Variants in CNTNAP2 observed in about 807,000 individuals in gnomAD.
The protein encoded by CNTNAP2 is contactin associated protein 2, also known as contactin-associated protein-like 2.
Under a neutral mutation model 155.2 loss-of-function variants are expected in CNTNAP2, and 98 were observed. The ratio of observed to expected loss-of-function variants is 0.63; its 90% CI spans 0.54 to 0.75. CNTNAP2 has a LOEUF of 0.75. Ranked by LOEUF, CNTNAP2 falls within the 30% of genes least tolerant of loss-of-function variation. CNTNAP2 has a pLI of 0.00. For synonymous variants in CNTNAP2, 651 were observed against 631.2 expected (o/e 1.03, Z -0.47); for missense variants, 1,727 against 1,688.1 (o/e 1.02, Z -0.40).
intron 21 of CNTNAP2, among the ~76,000 whole-genome samples, chr7:148,363,500 G>T (rs111975569): frequency 2.6e-5 from 4 of 152,338 alleles, no homozygotes; most frequent in African/African-American, 7.2e-5. Context: ...CTTTTGCAGG[G>T]TGAGCTCAAA....
At chr7:148,369,690 C>T in intron 21 of CNTNAP2, among the ~76,000 whole-genome samples, 1 of 140,498 alleles carries the variant, frequency 7.1e-6, no homozygotes. Context: ...ACTATTACTG[C>T]TACATTCACT....
intron 2 of CNTNAP2, among the ~76,000 whole-genome samples, chr7:146,787,251 G>T (rs1002765925): frequency 6.6e-6 from 1 of 152,164 alleles, no homozygotes; most frequent in Admixed American, 6.5e-5. Context: ...AGGTGTACAG[G>T]CTTCTATGGT....
At chr7:146,182,960 T>C (rs533265532) in intron 1 of CNTNAP2, among the ~76,000 whole-genome samples, 2 of 152,200 alleles carry the variant, frequency 1.3e-5, no homozygotes, top group Non-Finnish European at 2.9e-5. Context: ...TCTCTTGTCA[T>C]TGTTCGTATT....
At chr7:147,436,926 A>G (rs1327109720) in intron 10 of CNTNAP2, among the ~76,000 whole-genome samples, 1 of 152,210 alleles carries the variant, frequency 6.6e-6, no homozygotes, top group Non-Finnish European at 1.5e-5. Flanking sequence ...AAGCTTTAAA[A>G]AAAGGTTTAC....
chr7:147,242,477 T>C (rs1016756533), intron 8 of CNTNAP2, among the ~76,000 whole-genome samples: 1 of 152,194 alleles, frequency 6.6e-6, no homozygotes, highest in Admixed American at 6.5e-5. Flanking sequence ...CATGTGTATA[T>C]TCCTTGAAAT....
chr7:147,919,459 C>CTTTCTTTTTTTTTGTTTTTTTTTT (rs58537091), intron 14 of CNTNAP2, among the ~76,000 whole-genome samples: 1 of 51,240 alleles, frequency 2.0e-5, no homozygotes, highest in Non-Finnish European at 3.3e-5. Flanking sequence ...CTTTTTCTTT[C>CTTTCTTTTTTTTTGTTTTTTTTTT]TTTTTTTTTT....
chr7:146,850,393 T>A (rs1468167807), intron 3 of CNTNAP2, among the ~76,000 whole-genome samples: 1 of 152,212 alleles, frequency 6.6e-6, no homozygotes, highest in African/African-American at 2.4e-5. Context: ...TTGGAAGATG[T>A]CTGTGAAAAC....
chr7:147,789,105 C>T (rs1025860271), intron 13 of CNTNAP2, among the ~76,000 whole-genome samples: 3 of 151,772 alleles, frequency 2.0e-5, no homozygotes, highest in Non-Finnish European at 4.4e-5. Flanking sequence ...AGGGGTTTCA[C>T]CATGTTGGCC....
intron 14 of CNTNAP2, among the ~76,000 whole-genome samples, chr7:147,929,647 A>T (rs762965375): frequency 6.6e-6 from 1 of 152,186 alleles, no homozygotes; most frequent in South Asian, 2.1e-4. Context: ...AATTTTATAA[A>T]TATCCAAAAT....
intron 2 of CNTNAP2, among the ~76,000 whole-genome samples, chr7:146,776,439 G>A (rs1254377811): frequency 1.3e-5 from 2 of 152,200 alleles, no homozygotes; most frequent in South Asian, 2.1e-4. Flanking sequence ...AATTGAAAGT[G>A]CACAATAAAG....
chr7:147,973,604 T>A (rs1407827349), intron 14 of CNTNAP2, among the ~76,000 whole-genome samples: 1 of 152,216 alleles, frequency 6.6e-6, no homozygotes, highest in African/African-American at 2.4e-5. Context: ...ATTGCAGATA[T>A]CTTTGAATTT....
At chr7:146,721,611 T>G (rs1211815849) in intron 1 of CNTNAP2, among the ~76,000 whole-genome samples, 1 of 88,092 alleles carries the variant, frequency 1.1e-5, no homozygotes, top group Non-Finnish European at 1.9e-5. Context: ...ATACATTCTA[T>G]ATATATATTC....
At position 146,300,964 on chromosome 7, in the gene CNTNAP2, G is replaced by C. The variant is rs184993619; in HGVS notation, c.97+183991G>C. Among the ~76,000 whole-genome samples the C allele has an allele frequency of 3.7e-4, 57 of 152,172 alleles. 1 individual carries two copies. The highest frequency in any genetic ancestry group is 3.7e-3 in the Admixed American group (56 of 15,268). Reference sequence around the variant, plus strand: ...TGCATGCTTGTATTTAAGTGCTGAGGGTGGACTGTTCAACATAACAGATGA... The same window carrying C: ...TGCATGCTTGTATTTAAGTGCTGAGCGTGGACTGTTCAACATAACAGATGA... On this transcript the variant is annotated intron_variant, in intron 1 of 23. Transcript: ENST00000361727.
At chr7:148,146,754 C>G (rs1805188069) in intron 16 of CNTNAP2, among the ~76,000 whole-genome samples, 1 of 152,052 alleles carries the variant, frequency 6.6e-6, no homozygotes, top group Non-Finnish European at 1.5e-5. Context: ...ATAGGTCACC[C>G]TCATTACACC....
chr7:147,156,644 A>G (rs939807664), intron 8 of CNTNAP2, among the ~76,000 whole-genome samples: 13 of 152,182 alleles, frequency 8.5e-5, no homozygotes, highest in Admixed American at 2.6e-4. Context: ...GAGAAAAGGT[A>G]CAGCTCTTCT....
chr7:146,982,829 A>G (rs1798044580), intron 3 of CNTNAP2, among the ~76,000 whole-genome samples: 1 of 152,188 alleles, frequency 6.6e-6, no homozygotes, highest in South Asian at 2.1e-4. Flanking sequence ...CATTTGGATT[A>G]ACAGCAATTG....
At chr7:148,383,504 C>T in intron 21 of CNTNAP2, 145 bp from the exon 22 acceptor site, 1 of 1,174,486 alleles carries the variant, frequency 8.5e-7, no homozygotes, top group Non-Finnish European at 1.2e-6. Flanking sequence ...ATCTTATCGA[C>T]CCATTAATAT....
At chr7:147,511,286 G>T (rs1181091198) in intron 11 of CNTNAP2, among the ~76,000 whole-genome samples, 1 of 151,890 alleles carries the variant, frequency 6.6e-6, no homozygotes, top group Non-Finnish European at 1.5e-5. Context: ...AGCCCCTCTA[G>T]CACTTTTTCT....
chr7:147,256,386 G>A (rs1199862251), intron 8 of CNTNAP2, among the ~76,000 whole-genome samples: 1 of 152,120 alleles, frequency 6.6e-6, no homozygotes, highest in Non-Finnish European at 1.5e-5. Flanking sequence ...ATTCATTTAG[G>A]GACATTTAAC....
Sources: allele counts gnomAD v4.1 joint callset (sites outside exome capture counted in the v4.1 genomes callset), GRCh38; gene constraint gnomAD v4.1.1; transcripts MANE v1.5; gene names NCBI Gene and HGNC (gene_info 2026-07-23, HGNC 2026-07-21).